CNTLN: variants seen among roughly 807,000 people sequenced by gnomAD.
CNTLN encodes the protein centlein.
Under a neutral mutation model 180.0 loss-of-function variants are expected in CNTLN, and 212 were observed. That is an observed-to-expected ratio of 1.18 (90% CI 1.05 to 1.32). The LOEUF (loss-of-function observed/expected upper bound fraction) is 1.32. CNTLN is among the 40% of genes most tolerant of loss of function. The pLI is 0.00. For synonymous variants in CNTLN, 722 were observed against 563.1 expected, an observed-to-expected ratio of 1.28 and a Z score of -3.99; for missense variants, 2,095 against 1,610.9, an observed-to-expected ratio of 1.30 and a Z score of -5.14.
At chr9:17,323,495 G>A (rs1018521360) in intron 8 of CNTLN, among the ~76,000 whole-genome samples, 2 of 152,150 alleles carry the variant, frequency 1.3e-5, no homozygotes, top group African/African-American at 4.8e-5. Flanking sequence ...TGTTCTTGCT[G>A]CATCTTACTA....
In CNTLN at chr9:17,481,326, TG is replaced by T. The variant is rs1323132212; in HGVS notation, c.3856-2965del. 2.6e-5 allele frequency among the ~76,000 whole-genome samples: 4 copies of T among 152,250 alleles called. No homozygotes were observed. In the East Asian group the frequency reaches 7.7e-4, roughly 29 times the overall value. ...GTGCAGCCTTTAGCCCCAACAACTATGGGGCACAGCTGACAGCCCCATCCAA... is the reference window on the plus strand; with the variant it reads ...GTGCAGCCTTTAGCCCCAACAACTATGGGCACAGCTGACAGCCCCATCCAA... On this transcript the variant is annotated intron_variant, in intron 23 of 25. Coordinates refer to ENST00000380647, the MANE Select transcript of CNTLN (RefSeq NM_017738.4).
intron 18 of CNTLN, among the ~76,000 whole-genome samples, chr9:17,453,423 C>T (rs1830915227): frequency 6.6e-6 from 1 of 152,066 alleles, no homozygotes; most frequent in South Asian, 2.1e-4. Context: ...AAACTCTACG[C>T]ACTGTGGGGT....
intron 3 of CNTLN, among the ~76,000 whole-genome samples, chr9:17,232,875 T>A (rs949664112): frequency 1.3e-5 from 2 of 151,992 alleles, no homozygotes; most frequent in African/African-American, 4.8e-5. Context: ...GCATAAGACT[T>A]AGCTGAGAGT....
At chr9:17,481,172 G>A (rs1832626470) in intron 23 of CNTLN, among the ~76,000 whole-genome samples, 1 of 152,130 alleles carries the variant, frequency 6.6e-6, no homozygotes, top group African/African-American at 2.4e-5. Flanking sequence ...AACCCCACCT[G>A]GCTATAGAGC....
intron 15 of CNTLN, 94 bp downstream of exon 15, chr9:17,395,163 G>T (rs768864421): frequency 3.4e-6 from 5 of 1,456,838 alleles, no homozygotes; most frequent in Non-Finnish European, 4.5e-6. Context: ...CTGTCGATTT[G>T]GTATTCAGAA....
At chr9:17,178,564 C>A (rs1011992682) in intron 2 of CNTLN, among the ~76,000 whole-genome samples, 35 of 152,124 alleles carry the variant, frequency 2.3e-4, no homozygotes, top group African/African-American at 7.7e-4. Context: ...AGGTCTGGAG[C>A]CCTGCCCCAC....
chr9:17,224,393 C>A (rs1475014848), intron 2 of CNTLN, among the ~76,000 whole-genome samples: 1 of 151,968 alleles, frequency 6.6e-6, no homozygotes, highest in African/African-American at 2.4e-5. Context: ...TTCCTTCAAT[C>A]TGAGAACTTT....
intron 15 of CNTLN, among the ~76,000 whole-genome samples, chr9:17,408,549 C>T (rs1827589147): frequency 6.6e-6 from 1 of 151,882 alleles, no homozygotes; most frequent in Non-Finnish European, 1.5e-5. Flanking sequence ...TGCCTGTAAT[C>T]CCAGCACTTT....
Position 17,376,316 on chromosome 9 carries a change from A to G in CNTLN, c.1987+9599A>G, listed in dbSNP as rs545521416. Among the ~76,000 whole-genome samples, 29 of 152,306 alleles carry G rather than the reference A, an allele frequency of 1.9e-4. 2 individuals carry two copies. In the South Asian group the frequency reaches 5.8e-3, roughly 31 times the overall value. ...ACTTTATGTTTTTTTGAAAAATTAT[A>G]CATACTTACATTCGAGCAGTAAGAA... On this transcript the variant is annotated intron_variant, in intron 13 of 25. Coordinates refer to ENST00000380647, the MANE Select transcript of CNTLN (RefSeq NM_017738.4).
chr9:17,372,117 C>A (rs1273480820), intron 13 of CNTLN, among the ~76,000 whole-genome samples: 1 of 151,582 alleles, frequency 6.6e-6, no homozygotes, highest in East Asian at 1.9e-4. Flanking sequence ...AAGATCAGAG[C>A]AGAGATAAAT....
At chr9:17,250,510 T>C (rs969508574) in intron 5 of CNTLN, among the ~76,000 whole-genome samples, 1 of 152,136 alleles carries the variant, frequency 6.6e-6, no homozygotes, top group African/African-American at 2.4e-5. Flanking sequence ...TATATGTTAT[T>C]GATAATTTCT....
At chr9:17,517,198 G>A in the CNTLN span, among the ~76,000 whole-genome samples, 3 of 151,958 alleles carry the variant, frequency 2.0e-5, no homozygotes, top group African/African-American at 7.3e-5. Context: ...AGACCATCCT[G>A]GCTAACATGG....
At chr9:17,507,256 T>C (rs1833949013), downstream of CNTLN, among the ~76,000 whole-genome samples, 1 of 152,196 alleles carries the variant, frequency 6.6e-6, no homozygotes, top group African/African-American at 2.4e-5. Flanking sequence ...GTTTTCTGTT[T>C]CTGTATTAAT....
intron 2 of CNTLN, among the ~76,000 whole-genome samples, chr9:17,166,418 A>C (rs1820072181): frequency 6.6e-6 from 1 of 152,200 alleles, no homozygotes; most frequent in African/African-American, 2.4e-5. Flanking sequence ...TCAGTAGCAG[A>C]GAACAGAGAA....
chr9:17,375,831 A>G (rs1285492890), intron 13 of CNTLN, among the ~76,000 whole-genome samples: 1 of 152,186 alleles, frequency 6.6e-6, no homozygotes, highest in Non-Finnish European at 1.5e-5. Flanking sequence ...TCAAATTGCA[A>G]GAGGATTATC....
At chr9:17,272,521 T>C (rs1828023909) in intron 5 of CNTLN, among the ~76,000 whole-genome samples, 2 of 152,182 alleles carry the variant, frequency 1.3e-5, no homozygotes, top group Non-Finnish European at 2.9e-5. Context: ...TTGAGGTTCC[T>C]GGTACTTTTT....
At chr9:17,508,181 G>A (rs1833966945), downstream of CNTLN, among the ~76,000 whole-genome samples, 1 of 152,046 alleles carries the variant, frequency 6.6e-6, no homozygotes, top group African/African-American at 2.4e-5. Flanking sequence ...ATGGACCCAA[G>A]GCAGAAAAAG....
chr9:17,188,657 T>C (rs1012722887), intron 2 of CNTLN, among the ~76,000 whole-genome samples: 5 of 152,164 alleles, frequency 3.3e-5, no homozygotes, highest in African/African-American at 1.2e-4. Flanking sequence ...TTTTCTGATA[T>C]TTTCTTCTGT....
chr9:17,154,524 T>C (rs947902821), intron 2 of CNTLN, among the ~76,000 whole-genome samples: 1 of 152,164 alleles, frequency 6.6e-6, no homozygotes. Flanking sequence ...TTCGACCCAG[T>C]GGGGCACCTG....
Sources: allele counts gnomAD v4.1 joint callset (sites outside exome capture counted in the v4.1 genomes callset), GRCh38; gene constraint gnomAD v4.1.1; transcripts MANE v1.5; gene names NCBI Gene and HGNC (gene_info 2026-07-23, HGNC 2026-07-21).